CNOT6L: variants seen among roughly 807,000 people sequenced by gnomAD.
CNOT6L encodes CCR4-NOT transcription complex subunit 6-like.
CNOT6L carries 7 observed loss-of-function variants against 64.0 expected under a neutral mutation model. The observed-to-expected ratio is 0.11, with a 90% CI of 0.06 to 0.21. The LOEUF is 0.21. Among genes scored for constraint, CNOT6L ranks in the 10% least tolerant of loss-of-function variants. CNOT6L has a pLI of 1.00. For synonymous variants in CNOT6L, 193 were observed against 243.4 expected, an observed-to-expected ratio of 0.79 and a Z score of 1.93; for missense variants, 245 against 669.0, an observed-to-expected ratio of 0.37 and a Z score of 6.99.
chr4:77,748,436 A>T (rs1318594130), intron 5 of CNOT6L, 52 bp from the exon 6 acceptor site: 2 of 1,164,598 alleles, frequency 1.7e-6, no homozygotes, highest in Non-Finnish European at 2.6e-6. Context: ...CTGAAATCTG[A>T]AATGTGTTTA....
At chr4:77,733,295 A>G (rs1308848099) in intron 8 of CNOT6L, among the ~76,000 whole-genome samples, 2 of 152,120 alleles carry the variant, frequency 1.3e-5, no homozygotes, top group African/African-American at 4.8e-5. Context: ...AGTATTATTA[A>G]AAATCCTGAT....
chr4:77,753,230 C>T (rs936988084), intron 5 of CNOT6L, among the ~76,000 whole-genome samples: 1 of 144,992 alleles, frequency 6.9e-6, no homozygotes, highest in Non-Finnish European at 1.5e-5. Flanking sequence ...AAAAATTCAA[C>T]CTTAAATAAA....
At chr4:77,722,048 A>G (rs2109852895) in intron 11 of CNOT6L, among the ~76,000 whole-genome samples, 1 of 152,232 alleles carries the variant, frequency 6.6e-6, no homozygotes, top group South Asian at 2.1e-4. Flanking sequence ...AACTTACATG[A>G]GTCCAGGGGA....
At chr4:77,746,468 T>C (rs1724211113) in intron 6 of CNOT6L, among the ~76,000 whole-genome samples, 1 of 152,094 alleles carries the variant, frequency 6.6e-6, no homozygotes, top group South Asian at 2.1e-4. Flanking sequence ...TTTTTAACAG[T>C]AACTTTTTTT....
chr4:77,776,887 G>C (rs1465556002), intron 1 of CNOT6L, among the ~76,000 whole-genome samples: 1 of 152,130 alleles, frequency 6.6e-6, no homozygotes, highest in Non-Finnish European at 1.5e-5. Flanking sequence ...GGAGAAGCAG[G>C]CTTCTCTCTC....
intron 4 of CNOT6L, among the ~76,000 whole-genome samples, chr4:77,771,837 A>C (rs1727589955): frequency 6.6e-6 from 1 of 152,380 alleles, no homozygotes; most frequent in South Asian, 2.1e-4. Flanking sequence ...GAAGGAAAAT[A>C]AAATCTATGA....
intron 5 of CNOT6L, among the ~76,000 whole-genome samples, chr4:77,751,158 G>A (rs1724817902): frequency 6.6e-6 from 1 of 151,892 alleles, no homozygotes; most frequent in South Asian, 2.1e-4. Flanking sequence ...AAATATCCCT[G>A]AAAAGAATAG....
At chr4:77,810,344 A>T (rs898648648) in intron 1 of CNOT6L, among the ~76,000 whole-genome samples, 1 of 152,196 alleles carries the variant, frequency 6.6e-6, no homozygotes, top group Non-Finnish European at 1.5e-5. Context: ...AATTTGTTAA[A>T]TTTTTTAGAA....
At chr4:77,751,644 A>G (rs1724878084) in intron 5 of CNOT6L, among the ~76,000 whole-genome samples, 1 of 152,194 alleles carries the variant, frequency 6.6e-6, no homozygotes, top group African/African-American at 2.4e-5. Context: ...TAAAAACATC[A>G]GACAGAAATA....
chr4:77,783,885 T>C (rs1729158711), intron 1 of CNOT6L, among the ~76,000 whole-genome samples: 1 of 148,840 alleles, frequency 6.7e-6, no homozygotes, highest in Admixed American at 6.7e-5. Flanking sequence ...TTATTAAATA[T>C]ATTAAATTTA....
At chr4:77,796,948 G>A (rs1377798553) in intron 1 of CNOT6L, among the ~76,000 whole-genome samples, 2 of 151,720 alleles carry the variant, frequency 1.3e-5, no homozygotes, top group Non-Finnish European at 2.9e-5. Context: ...AGCTGGGCAT[G>A]GTGGTGTCCC....
At chr4:77,784,108 G>A (rs1451761809) in intron 1 of CNOT6L, among the ~76,000 whole-genome samples, 3 of 152,052 alleles carry the variant, frequency 2.0e-5, no homozygotes, top group Non-Finnish European at 4.4e-5. Context: ...TCTGGAAAGC[G>A]ATGAGGGCAT....
intron 1 of CNOT6L, among the ~76,000 whole-genome samples, chr4:77,790,194 T>C (rs1729964419): frequency 1.3e-5 from 2 of 152,088 alleles, no homozygotes; most frequent in African/African-American, 4.8e-5. Context: ...TTTCATTTAG[T>C]ATTATGCATT....
At chr4:77,819,251 C>A (rs1450404941) in intron 1 of CNOT6L, 53 bp downstream of exon 1, 4 of 1,613,234 alleles carry the variant, frequency 2.5e-6, no homozygotes, top group Non-Finnish European at 3.4e-6. Flanking sequence ...CCCGGGGACG[C>A]GCTCCTCTTC....
rs1020379762 is a variant in CNOT6L at position 77,804,740 on chromosome 4, T to G, written c.5+14564A>C. On this transcript the variant is annotated intron_variant, in intron 1 of 11. Transcript: ENST00000504123. The stretch of plus-strand genomic sequence containing the variant: ...CACTAAAATATACACTTTAAAATGG[T>G]GAATGTTTGTGTTATGTAATACATA... Among the ~76,000 whole-genome samples the G allele has an allele frequency of 2.3e-4, 35 of 152,292 alleles. 1 individual carries two copies. Among genetic ancestry groups the G allele is most frequent in the Admixed American group, 2.0e-3 (30 of 15,288 alleles).
intron 7 of CNOT6L, 196 bp from the exon 8 acceptor site, chr4:77,742,491 G>T: frequency 1.5e-6 from 1 of 646,630 alleles, no homozygotes; most frequent in Non-Finnish European, 2.8e-6. Context: ...GAACCAGAAA[G>T]GTGACATGAT....
In CNOT6L at chr4:77,718,548, G is replaced by C. The variant is rs889381099; in HGVS notation, c.*1883C>G. 6.6e-6 allele frequency: 1 copy of C among 152,368 alleles called. No individual in the cohort carries two copies. The highest frequency in any genetic ancestry group is 6.6e-5 in the Admixed American group (1 of 15,240). The allele number at this position is 152,368 out of a possible 1,614,324, so 9.4% of individuals were successfully genotyped here. A position where few individuals can be genotyped will look rare whatever the true frequency, so the allele number is the denominator to read the frequency against. On this transcript the variant is annotated 3_prime_UTR_variant, in exon 12 of 12. Coordinates refer to ENST00000504123, the MANE Select transcript of CNOT6L (RefSeq NM_144571.3). ...TATTTTATTTACATCAAAATTCACTGAACTACAATGACATTCCAATTATAA... is the reference window on the plus strand; with the variant it reads ...TATTTTATTTACATCAAAATTCACTCAACTACAATGACATTCCAATTATAA...
intron 1 of CNOT6L, among the ~76,000 whole-genome samples, chr4:77,786,363 A>G (rs959245694): frequency 6.6e-6 from 1 of 152,054 alleles, no homozygotes; most frequent in Non-Finnish European, 1.5e-5. Flanking sequence ...CTGTAATCCC[A>G]GCACTTTGGG....
chr4:77,715,297 T>G lies in CNOT6L; in HGVS notation c.*5134A>C, dbSNP rs1720630259. ...TCCTTTCCATAATGTGATTTGTTTC[T>G]GATGACATACTTCTAAAATGCAGTT... On this transcript the variant is annotated 3_prime_UTR_variant, in exon 12 of 12. Coordinates refer to ENST00000504123, the MANE Select transcript of CNOT6L (RefSeq NM_144571.3). The G allele has an allele frequency of 6.6e-6, 1 of 152,248 alleles. No individual in the cohort carries two copies. Among genetic ancestry groups the G allele is most frequent in the Admixed American group, 6.5e-5 (1 of 15,278 alleles). 9.4% of individuals were successfully genotyped at this position (152,248 alleles called of 1,614,324 possible).
Sources: allele counts gnomAD v4.1 joint callset (sites outside exome capture counted in the v4.1 genomes callset), GRCh38; gene constraint gnomAD v4.1.1; transcripts MANE v1.5; gene names NCBI Gene and HGNC (gene_info 2026-07-23, HGNC 2026-07-21).